The following CCDC9B variants were observed in gnomAD, a reference collection of about 807,000 sequenced individuals.
The protein encoded by CCDC9B is coiled-coil domain-containing protein 9B.
CCDC9B carries 40 observed loss-of-function variants against 47.2 expected under a neutral mutation model. That is an observed-to-expected ratio of 0.85 (90% CI 0.66 to 1.10). The LOEUF is 1.10. Ranked by LOEUF, CCDC9B falls within the 50% of genes least tolerant of loss-of-function variation. The pLI, the probability that CCDC9B is intolerant of heterozygous loss-of-function variation, is 0.00. For synonymous variants in CCDC9B, 238 were observed against 250.7 expected, an observed-to-expected ratio of 0.95 and a Z score of 0.48; for missense variants, 662 against 651.0, an observed-to-expected ratio of 1.02 and a Z score of -0.18.
At chr15:40,336,233 C>T in intron 9 of CCDC9B, 2 of 985,486 alleles carry the variant, frequency 2.0e-6, no homozygotes, top group Non-Finnish European at 2.4e-6. Flanking sequence ...ACCACGCACT[C>T]TGGGCCCATC....
intron 5 of CCDC9B, 68 bp from the exon 6 acceptor site, chr15:40,337,961 T>A (rs1889001771): frequency 7.0e-7 from 1 of 1,437,852 alleles, no homozygotes; most frequent in South Asian, 1.2e-5. Flanking sequence ...GTTTGGAGAC[T>A]CCAGGCGCTT....
Position 40,335,702 on chromosome 15 carries a change from T to C in CCDC9B, c.931-2A>G. ...AGTCTCTCTGGTGCTTTGGCTTCCC[T>C]GAAACAAGAGAATAGCCCCGGTGGC... On this transcript the variant is annotated splice_acceptor_variant, in intron 10 of 10. Transcript: ENST00000397536. LOFTEE classifies it high-confidence loss of function. The C allele has an allele frequency of 1.3e-6, 2 of 1,567,168 alleles. No individual in the cohort carries two copies. Among genetic ancestry groups the C allele is most frequent in the East Asian group, 2.3e-5 (1 of 42,718 alleles).
At chr15:40,339,066 G>A (rs749283512) in intron 3 of CCDC9B, 163 bp from the exon 4 acceptor site, 1 of 807,900 alleles carries the variant, frequency 1.2e-6, no homozygotes, top group South Asian at 1.5e-5. Flanking sequence ...ATGGCATGAG[G>A]TTATCCAGGG....
chr15:40,340,873 G>A lies in CCDC9B; in HGVS notation c.-54C>T, dbSNP rs77790060. ...GAGCAGCCCCTGGGGAGCCAGAGTG[G>A]GAGGAAAGCTGGAGCCACCGGAGCC... On this transcript the variant is annotated 5_prime_UTR_variant, in exon 1 of 11. Transcript: ENST00000397536. The A allele has an allele frequency of 1.3e-3, 2,125 of 1,609,152 alleles. 19 individuals carry two copies. In the African/African-American group the frequency reaches 0.025, roughly 19 times the overall value.
In CCDC9B at chr15:40,338,871, C is replaced by G; in HGVS notation, c.264G>C (p.Arg88Ser). 1 of 1,614,166 alleles carries G rather than the reference C, an allele frequency of 6.2e-7. No homozygotes were observed. Among genetic ancestry groups the G allele is most frequent in the Non-Finnish European group, 8.5e-7 (1 of 1,180,014 alleles). Reference sequence around the variant, plus strand: ...TGGTCACTCTGGGTCCACAGGTACCCCTTGCCCAGTTCCTGCTAACCACCC... The same window carrying G: ...TGGTCACTCTGGGTCCACAGGTACCGCTTGCCCAGTTCCTGCTAACCACCC... The part of the protein sequence containing the change: ...EKRVVSRNWA[R>S]GTCGPRVTNE... The change falls in exon 4 of 11, where the codon AGG becomes AGC. Residue 88 changes from arginine (R) to serine (S), a missense_variant. Arg to Ser is a moderately radical substitution (Grantham distance 110). Coordinates refer to ENST00000397536, the MANE Select transcript of CCDC9B (RefSeq NM_207380.3).
At chr15:40,339,153 A>C in intron 3 of CCDC9B, 1 of 599,910 alleles carries the variant, frequency 1.7e-6, no homozygotes, top group Non-Finnish European at 3.0e-6. Context: ...CACTCAAACA[A>C]TGGGTCTCTG....
In CCDC9B at chr15:40,336,819, G is replaced by C. The variant is rs1169158647; in HGVS notation, c.743-6C>G. 1 of 1,590,122 alleles carries C rather than the reference G, an allele frequency of 6.3e-7. No individual in the cohort carries two copies. The highest frequency in any genetic ancestry group is 1.4e-5 in the African/African-American group (1 of 72,818). On this transcript the variant is annotated splice_polypyrimidine_tract_variant and splice_region_variant and intron_variant, in intron 7 of 10. Coordinates refer to ENST00000397536, the MANE Select transcript of CCDC9B (RefSeq NM_207380.3). ...TTTCTGGTGGCTCCTGGGACCTGCG[G>C]GGGACAAAAGAAGTGGGGAAAGGTG...
Position 40,333,977 on chromosome 15 carries a change from T to G in CCDC9B, c.*1181A>C, listed in dbSNP as rs1351180105. 6.6e-6 allele frequency: 1 copy of G among 152,390 alleles called. No homozygotes were observed. The highest frequency in any genetic ancestry group is 2.4e-5 in the African/African-American group (1 of 41,326). 9.4% of individuals were successfully genotyped at this position (152,390 alleles called of 1,614,324 possible). A position where few individuals can be genotyped will look rare whatever the true frequency, so the allele number is the denominator to read the frequency against. ...CTTCTGCCAGGCAGAGGTGGGAGGG[T>G]CCCCTGGGGCTCCTACCGCCATCCT... On this transcript the variant is annotated 3_prime_UTR_variant, in exon 11 of 11. Transcript: ENST00000397536.
chr15:40,336,616 C>T lies in CCDC9B; in HGVS notation c.845G>A (p.Ser282Asn). ...SRPSVAPATG[S>N]KARGKERLTG... ...CAGCCTCTCCTTGCCCCGGGCTTTG[C>T]TGCCTGTGGCTGGTGCCACCGAGGG... Residue 282 changes from serine to asparagine, a missense_variant, in exon 9 of 11, where the codon AGC becomes AAC. Transcript: ENST00000397536. 1 of 1,613,094 alleles carries T rather than the reference C, an allele frequency of 6.2e-7. No homozygotes were observed. Among genetic ancestry groups the T allele is most frequent in the Non-Finnish European group, 8.5e-7 (1 of 1,179,662 alleles).
chr15:40,336,187 G>A, intron 9 of CCDC9B: 1 of 985,432 alleles, frequency 1.0e-6, no homozygotes, highest in Non-Finnish European at 1.2e-6. Context: ...CACCAAGCCT[G>A]ACCTTGTTCC....
chr15:40,336,467 C>A, intron 9 of CCDC9B, 107 bp downstream of exon 9: 3 of 1,476,642 alleles, frequency 2.0e-6, no homozygotes, highest in Non-Finnish European at 2.7e-6. Context: ...AGCAGTCAGC[C>A]AGGAGGCAGG....
intron 6 of CCDC9B, 137 bp from the exon 7 acceptor site, chr15:40,337,583 C>A: frequency 8.3e-7 from 1 of 1,201,976 alleles, no homozygotes; most frequent in East Asian, 2.5e-5. Flanking sequence ...ATGGGAGACC[C>A]AGAGCCTTGA....
At chr15:40,340,625 G>A in intron 1 of CCDC9B, 183 bp downstream of exon 1, 1 of 626,868 alleles carries the variant, frequency 1.6e-6, no homozygotes, top group South Asian at 2.1e-5. Context: ...GGCAAGCCAT[G>A]TCTCTGCATC....
intron 1 of CCDC9B, chr15:40,340,334 T>C (rs1889063558): frequency 2.7e-6 from 1 of 376,280 alleles, no homozygotes; most frequent in Non-Finnish European, 4.8e-6. Context: ...ATGGGAGTTA[T>C]AAATGGCTCT....
At chr15:40,339,828 G>T in intron 2 of CCDC9B, 77 bp downstream of exon 2, 1 of 1,416,600 alleles carries the variant, frequency 7.1e-7, no homozygotes, top group Non-Finnish European at 9.9e-7. Context: ...TGCTGAGCCT[G>T]CAGGGAGACC....
Position 40,337,697 on chromosome 15 carries a change from G to A in CCDC9B, c.683+27C>T, listed in dbSNP as rs537154978. On this transcript the variant is annotated intron_variant, in intron 6 of 10. Coordinates refer to ENST00000397536, the MANE Select transcript of CCDC9B (RefSeq NM_207380.3). ...GAAGCCAGCTCCATCCCGCACCACA[G>A]GCAACCTGCCCAACCCAGCCACCCA... The A allele has an allele frequency of 2.8e-5, 44 of 1,568,722 alleles. No homozygotes were observed. In the South Asian group the frequency reaches 4.8e-4, roughly 17 times the overall value.
chr15:40,337,923 G>A (rs988532589), intron 5 of CCDC9B, 30 bp from the exon 6 acceptor site: 2 of 1,574,230 alleles, frequency 1.3e-6, no homozygotes, highest in African/African-American at 2.7e-5. Context: ...AGAGTGAGGG[G>A]GAGAAGCAGG....
intron 3 of CCDC9B, 137 bp from the exon 4 acceptor site, chr15:40,339,040 G>T: frequency 2.0e-6 from 2 of 981,398 alleles, no homozygotes; most frequent in Non-Finnish European, 3.2e-6. Context: ...GACTCCCACA[G>T]GGTGTTCACA....
intron 9 of CCDC9B, chr15:40,336,322 CA>C (rs1296852419): frequency 1.9e-5 from 19 of 985,328 alleles, no homozygotes; most frequent in Non-Finnish European, 2.2e-5. Context: ...TCCCCGCCTG[CA>C]ATGCCTGGGA....
Sources: allele counts gnomAD v4.1 joint callset, GRCh38; gene constraint gnomAD v4.1.1; transcripts MANE v1.5; gene names NCBI Gene and HGNC (gene_info 2026-07-23, HGNC 2026-07-21).